Variants in KIAA1217 observed in about 807,000 individuals in gnomAD.
KIAA1217 encodes the protein KIAA1217.
In KIAA1217, 88 loss-of-function variants were observed where a neutral mutation model predicts 163.9. The observed-to-expected ratio is 0.54, with a 90% CI of 0.45 to 0.64. The LOEUF is 0.64. KIAA1217 is among the 30% of genes least tolerant of loss of function. The pLI is 0.00. For missense variants in KIAA1217, 2,372 were observed against 2,475.0 expected, an observed-to-expected ratio of 0.96 and a Z score of 0.88; for synonymous variants, 903 against 923.1, an observed-to-expected ratio of 0.98 and a Z score of 0.39.
chr10:24,099,773 T>C (rs893537211), intron 2 of KIAA1217, among the ~76,000 whole-genome samples: 26 of 115,884 alleles, frequency 2.2e-4, no homozygotes, highest in African/African-American at 8.1e-4. Context: ...CGGTGTGTGA[T>C]GTTCCCCTTC....
chr10:23,812,385 G>T, intron 1 of KIAA1217, among the ~76,000 whole-genome samples: 1 of 152,078 alleles, frequency 6.6e-6, no homozygotes, highest in Non-Finnish European at 1.5e-5. Context: ...TAAAAACAAA[G>T]GATTTACTTT....
chr10:23,981,259 T>G (rs1845755066), intron 1 of KIAA1217, among the ~76,000 whole-genome samples: 1 of 152,240 alleles, frequency 6.6e-6, no homozygotes. Flanking sequence ...GAAATTATAA[T>G]ACTTTAGATA....
At chr10:23,876,018 C>T (rs1013967744) in intron 1 of KIAA1217, among the ~76,000 whole-genome samples, 46 of 151,492 alleles carry the variant, frequency 3.0e-4, no homozygotes, top group African/African-American at 1.1e-3. Flanking sequence ...TTGATGGGTG[C>T]AGCAAACCAA....
intron 8 of KIAA1217, among the ~76,000 whole-genome samples, chr10:24,496,946 T>A (rs952213061): frequency 5.9e-5 from 9 of 152,240 alleles, no homozygotes; most frequent in Non-Finnish European, 1.2e-4. Flanking sequence ...GTTAGTTTTC[T>A]CTTCTGAATG....
At chr10:24,319,530 G>A (rs562585835) in intron 2 of KIAA1217, among the ~76,000 whole-genome samples, 6 of 152,230 alleles carry the variant, frequency 3.9e-5, no homozygotes, top group Admixed American at 2.6e-4. Context: ...TGGCATAGGC[G>A]AGAAGTCAGA....
chr10:24,396,553 T>C (rs1243028013), intron 3 of KIAA1217, among the ~76,000 whole-genome samples: 1 of 151,974 alleles, frequency 6.6e-6, no homozygotes, highest in Non-Finnish European at 1.5e-5. Context: ...ATGGGAGAGT[T>C]GTAATTTTAT....
intron 2 of KIAA1217, among the ~76,000 whole-genome samples, chr10:24,224,109 A>G (rs2070102919): frequency 6.6e-6 from 1 of 152,182 alleles, no homozygotes; most frequent in South Asian, 2.1e-4. Flanking sequence ...TCTTCAAAAA[A>G]TGCGGGTGGC....
At chr10:24,176,087 AC>A (rs2065877455) in intron 2 of KIAA1217, among the ~76,000 whole-genome samples, 1 of 152,126 alleles carries the variant, frequency 6.6e-6, no homozygotes, top group African/African-American at 2.4e-5. Flanking sequence ...GGTCCATTTT[AC>A]AGAGAGCTGA....
chr10:24,402,622 C>G (rs1345537096), intron 3 of KIAA1217, among the ~76,000 whole-genome samples: 3 of 151,524 alleles, frequency 2.0e-5, no homozygotes, highest in Non-Finnish European at 4.4e-5. Flanking sequence ...GATTTTTAGG[C>G]TGCTTATAGA....
At chr10:23,832,299 G>A (rs754592158) in intron 1 of KIAA1217, among the ~76,000 whole-genome samples, 1 of 152,188 alleles carries the variant, frequency 6.6e-6, no homozygotes, top group African/African-American at 2.4e-5. Context: ...AGATACCTCA[G>A]ATGAAGAGGT....
At chr10:23,768,987 C>A (rs1834671851) in intron 1 of KIAA1217, among the ~76,000 whole-genome samples, 1 of 152,170 alleles carries the variant, frequency 6.6e-6, no homozygotes, top group African/African-American at 2.4e-5. Context: ...GTGTAACTGC[C>A]TAACAAGTTC....
chr10:23,872,586 A>G (rs781500360), intron 1 of KIAA1217, among the ~76,000 whole-genome samples: 9 of 152,066 alleles, frequency 5.9e-5, no homozygotes, highest in Non-Finnish European at 1.0e-4. Flanking sequence ...TAGCAAGTTA[A>G]TTAATTGTGT....
intron 1 of KIAA1217, among the ~76,000 whole-genome samples, chr10:23,862,166 A>G (rs1411760503): frequency 6.6e-6 from 1 of 152,108 alleles, no homozygotes; most frequent in Non-Finnish European, 1.5e-5. Flanking sequence ...GTGGCTCCCA[A>G]AGAGTTGGCT....
At chr10:24,191,446 G>A (rs1048411470) in intron 2 of KIAA1217, among the ~76,000 whole-genome samples, 4 of 152,106 alleles carry the variant, frequency 2.6e-5, no homozygotes, top group African/African-American at 9.7e-5. Context: ...TTGTACATTT[G>A]TGTAAATGCA....
chr10:24,043,064 G>A (rs1178010565), intron 2 of KIAA1217, among the ~76,000 whole-genome samples: 1 of 152,166 alleles, frequency 6.6e-6, no homozygotes, highest in Non-Finnish European at 1.5e-5. Flanking sequence ...TAGCAAGAGT[G>A]TTGGTGGATA....
At chr10:24,380,848 T>A in intron 2 of KIAA1217, 21 bp from the exon 3 acceptor site, 1 of 1,484,084 alleles carries the variant, frequency 6.7e-7, no homozygotes, top group Non-Finnish European at 9.0e-7. Context: ...TTTCCCACTT[T>A]CTTTAAAATG....
chr10:23,965,603 C>G (rs926106351), intron 1 of KIAA1217, among the ~76,000 whole-genome samples: 1 of 152,216 alleles, frequency 6.6e-6, no homozygotes, highest in African/African-American at 2.4e-5. Context: ...AGAAACAAAA[C>G]GTTGCCATCT....
intron 1 of KIAA1217, among the ~76,000 whole-genome samples, chr10:23,767,938 C>T (rs756085719): frequency 6.6e-6 from 1 of 152,152 alleles, no homozygotes; most frequent in Admixed American, 6.5e-5. Flanking sequence ...TGAATTTGGG[C>T]AGTACACGCT....
chr10:24,536,271 C>T (rs1041315028), intron 16 of KIAA1217, among the ~76,000 whole-genome samples: 3 of 152,242 alleles, frequency 2.0e-5, no homozygotes, highest in Admixed American at 6.5e-5. Flanking sequence ...CAGAACACCT[C>T]GGAGCGCGGT....
Sources: gnomAD v4.1 joint callset for allele counts (sites outside exome capture counted in the v4.1 genomes callset) on GRCh38, gnomAD v4.1.1 for gene constraint, MANE v1.5 for transcripts, NCBI Gene and HGNC (gene_info 2026-07-23, HGNC 2026-07-21) for gene names.